Variants in MMS22L observed in about 807,000 individuals in gnomAD.
The protein encoded by MMS22L is protein MMS22-like.
In MMS22L, 74 loss-of-function variants were observed where a neutral mutation model predicts 159.1. The observed-to-expected ratio is 0.47, with a 90% CI of 0.39 to 0.56. The LOEUF (loss-of-function observed/expected upper bound fraction) is 0.56. Ranked by LOEUF, MMS22L falls within the 20% of genes least tolerant of loss-of-function variation. The pLI, the probability that MMS22L is intolerant of heterozygous loss-of-function variation, is 0.00. For synonymous variants in MMS22L, 517 were observed against 506.9 expected (o/e 1.02, Z -0.27); for missense variants, 1,351 against 1,422.1 (o/e 0.95, Z 0.80).
chr6:97,251,824 C>T (rs1289581276), intron 10 of MMS22L, among the ~76,000 whole-genome samples: 1 of 152,174 alleles, frequency 6.6e-6, no homozygotes, highest in African/African-American at 2.4e-5. Context: ...TGGCTCACGC[C>T]TGTAATCCCA....
chr6:97,169,362 A>C (rs576248464), intron 19 of MMS22L, among the ~76,000 whole-genome samples: 1 of 152,282 alleles, frequency 6.6e-6, no homozygotes, highest in East Asian at 1.9e-4. Flanking sequence ...CTGAAAAATG[A>C]ATTTAAAAAC....
intron 10 of MMS22L, among the ~76,000 whole-genome samples, chr6:97,250,141 T>A (rs574576893): frequency 2.0e-5 from 3 of 152,022 alleles, no homozygotes; most frequent in Non-Finnish European, 4.4e-5. Flanking sequence ...GCTACAGCAT[T>A]TTTTTTTCTA....
intron 11 of MMS22L, among the ~76,000 whole-genome samples, chr6:97,243,817 G>A (rs1357657350): frequency 6.6e-6 from 1 of 152,102 alleles, no homozygotes; most frequent in Non-Finnish European, 1.5e-5. Context: ...AGACTGCAGT[G>A]ATTGTTATTG....
At chr6:97,228,721 G>A (rs1003108266) in intron 14 of MMS22L, among the ~76,000 whole-genome samples, 173 bp downstream of exon 14, 22 of 151,946 alleles carry the variant, frequency 1.4e-4, no homozygotes, top group African/African-American at 5.3e-4. Context: ...TTTAGTACAC[G>A]GATATATTCA....
intron 6 of MMS22L, chr6:97,271,698 G>T (rs571064933): frequency 2.7e-4 from 41 of 152,124 alleles, no homozygotes; most frequent in African/African-American, 9.6e-4. Context: ...TTGAGATAGG[G>T]TCTTGCTCTG....
At chr6:97,210,634 T>C (rs565014683) in intron 14 of MMS22L, among the ~76,000 whole-genome samples, 2 of 152,036 alleles carry the variant, frequency 1.3e-5, no homozygotes, top group East Asian at 3.9e-4. Flanking sequence ...CATGACTGTA[T>C]TAGTCTATAT....
chr6:97,164,132 T>C (rs569126163), intron 21 of MMS22L, among the ~76,000 whole-genome samples: 1 of 151,618 alleles, frequency 6.6e-6, no homozygotes, highest in Non-Finnish European at 1.5e-5. Flanking sequence ...CTAGGTATAA[T>C]GCACTAAGGG....
At chr6:97,161,238 C>T (rs902932633) in intron 22 of MMS22L, among the ~76,000 whole-genome samples, 2 of 152,014 alleles carry the variant, frequency 1.3e-5, no homozygotes, top group Admixed American at 6.6e-5. Flanking sequence ...ACCTCAGGTA[C>T]GCCCACAGTC....
Position 97,282,559 on chromosome 6 carries a change from G to GC in MMS22L, c.-76-7_-76-6insG, listed in dbSNP as rs1491516789. 4.1e-5 allele frequency: 1 copy of GC among 24,152 alleles called. No homozygotes were observed. Among genetic ancestry groups the GC allele is most frequent in the Non-Finnish European group, 7.2e-5 (1 of 13,962 alleles). 1.5% of individuals were successfully genotyped at this position (24,152 alleles called of 1,614,324 possible). ...GAGAAGGTGTGAAGAGATTCCTGTT[G>GC]GGGGGGGGGGGGTGGGGCCGAGAGA... On this transcript the variant is annotated splice_polypyrimidine_tract_variant and splice_region_variant and intron_variant, in intron 1 of 24. Transcript: ENST00000683635.
intron 11 of MMS22L, chr6:97,246,025 T>C (rs899963541): frequency 1.7e-5 from 4 of 231,258 alleles, no homozygotes; most frequent in Non-Finnish European, 3.6e-5. Flanking sequence ...CTTACAAAAA[T>C]GATAACATAT....
chr6:97,145,059 C>CA lies in MMS22L; in HGVS notation c.*1746dup, dbSNP rs1393074953. 338 of 146,444 alleles carry CA rather than the reference C, an allele frequency of 2.3e-3. 7 individuals are homozygous for CA. The highest frequency in any genetic ancestry group is 8.5e-3 in the African/African-American group (324 of 37,902). 9.1% of individuals were successfully genotyped at this position (146,444 alleles called of 1,614,324 possible). ...ACACACACACACACACACACACACA[C>CA]ACACACAAAAACACATATACACATA... is the stretch of plus-strand genomic sequence containing the variant. On this transcript the variant is annotated 3_prime_UTR_variant, in exon 25 of 25. Transcript: ENST00000683635.
intron 14 of MMS22L, among the ~76,000 whole-genome samples, chr6:97,195,996 G>A (rs1806457187): frequency 6.6e-6 from 1 of 152,070 alleles, no homozygotes; most frequent in African/African-American, 2.4e-5. Flanking sequence ...TATAACAGGA[G>A]GATATAATTT....
chr6:97,162,963 A>G (rs1197165589), intron 21 of MMS22L, among the ~76,000 whole-genome samples: 5 of 151,848 alleles, frequency 3.3e-5, no homozygotes, highest in Non-Finnish European at 5.9e-5. Flanking sequence ...ATATATATAT[A>G]TTTGCAAAGT....
intron 22 of MMS22L, among the ~76,000 whole-genome samples, chr6:97,161,512 TG>T (rs1221735623): frequency 5.3e-5 from 8 of 151,982 alleles, no homozygotes; most frequent in Non-Finnish European, 8.8e-5. Context: ...GGCCAATAAA[TG>T]TTATTTTAAA....
intron 11 of MMS22L, among the ~76,000 whole-genome samples, chr6:97,234,260 A>T (rs185679608): frequency 6.6e-6 from 1 of 152,166 alleles, no homozygotes; most frequent in African/African-American, 2.4e-5. Context: ...ATTGAATGGT[A>T]CTGGAAACCC....
chr6:97,275,383 T>A (rs1816153968), intron 4 of MMS22L, among the ~76,000 whole-genome samples: 1 of 151,696 alleles, frequency 6.6e-6, no homozygotes, highest in Non-Finnish European at 1.5e-5. Context: ...AAAAATTAGC[T>A]AGGCATGGTG....
At chr6:97,161,927 A>G (rs1802482718) in intron 22 of MMS22L, 75 bp downstream of exon 22, 4 of 1,421,126 alleles carry the variant, frequency 2.8e-6, no homozygotes, top group Admixed American at 4.2e-5. Context: ...GTAACTATCC[A>G]TTAAATTGAG....
intron 22 of MMS22L, among the ~76,000 whole-genome samples, chr6:97,157,985 C>T (rs1802035038): frequency 6.6e-6 from 1 of 152,112 alleles, no homozygotes; most frequent in African/African-American, 2.4e-5. Context: ...TAATTACTGC[C>T]TCAATTTCAA....
chr6:97,276,890 C>T (rs1477484828), intron 4 of MMS22L, among the ~76,000 whole-genome samples: 1 of 152,182 alleles, frequency 6.6e-6, no homozygotes, highest in Non-Finnish European at 1.5e-5. Flanking sequence ...GTCTAGCTGT[C>T]TACACAACTG....
Sources: gnomAD v4.1 joint callset for allele counts (sites outside exome capture counted in the v4.1 genomes callset) on GRCh38, gnomAD v4.1.1 for gene constraint, MANE v1.5 for transcripts, NCBI Gene and HGNC (gene_info 2026-07-23, HGNC 2026-07-21) for gene names.